The following PSD3 variants were observed in gnomAD, a reference collection of about 807,000 sequenced individuals.
PSD3 encodes the protein PH and SEC7 domain-containing protein 3.
In PSD3, 49 loss-of-function variants were observed where a neutral mutation model predicts 105.5. The ratio of observed to expected loss-of-function variants is 0.46; its 90% CI spans 0.37 to 0.59. PSD3 has a LOEUF of 0.59. Ranked by LOEUF, PSD3 falls within the 20% of genes least tolerant of loss-of-function variation. PSD3 has a pLI of 0.00. For missense variants in PSD3, 1,561 were observed against 1,263.8 expected (o/e 1.24, Z -3.57); for synonymous variants, 557 against 457.8 (o/e 1.22, Z -2.77).
intron 1 of PSD3, among the ~76,000 whole-genome samples, chr8:18,996,064 C>G (rs778224570): frequency 1.3e-5 from 2 of 152,014 alleles, no homozygotes; most frequent in Admixed American, 6.6e-5. Context: ...ACAGTAATGT[C>G]TGGGAAACAA....
chr8:19,039,122 G>A (rs982064263), intron 1 of PSD3, among the ~76,000 whole-genome samples: 4 of 152,032 alleles, frequency 2.6e-5, no homozygotes, highest in African/African-American at 4.8e-5. Context: ...ACTTTTCCTC[G>A]ACGGACCTTT....
intron 14 of PSD3, among the ~76,000 whole-genome samples, chr8:18,560,282 T>C (rs544335395): frequency 4.6e-5 from 7 of 151,956 alleles, no homozygotes; most frequent in Non-Finnish European, 8.8e-5. Flanking sequence ...GCTGCAGCCA[T>C]GGAGATGTCA....
At chr8:19,045,451 C>T (rs1158192649) in intron 1 of PSD3, among the ~76,000 whole-genome samples, 1 of 152,256 alleles carries the variant, frequency 6.6e-6, no homozygotes, top group East Asian at 1.9e-4. Flanking sequence ...GCCAGCCGCC[C>T]TTGAACACAG....
chr8:18,945,358 G>A (rs1265554868), intron 1 of PSD3, among the ~76,000 whole-genome samples: 1 of 152,220 alleles, frequency 6.6e-6, no homozygotes, highest in Non-Finnish European at 1.5e-5. Context: ...GCATAGAAAA[G>A]TAGAGCCAGA....
At chr8:18,763,820 T>C (rs1806742812) in intron 9 of PSD3, among the ~76,000 whole-genome samples, 1 of 152,146 alleles carries the variant, frequency 6.6e-6, no homozygotes, top group Non-Finnish European at 1.5e-5. Context: ...AGAGAATCAA[T>C]ACTTCACTTG....
At chr8:18,576,759 T>C (rs934448596) in intron 12 of PSD3, among the ~76,000 whole-genome samples, 1 of 152,066 alleles carries the variant, frequency 6.6e-6, no homozygotes, top group African/African-American at 2.4e-5. Flanking sequence ...ATAACTGGAA[T>C]GAGGAGAAAT....
At chr8:18,878,150 T>C (rs927737946) in intron 2 of PSD3, among the ~76,000 whole-genome samples, 3 of 152,212 alleles carry the variant, frequency 2.0e-5, no homozygotes, top group African/African-American at 7.2e-5. Flanking sequence ...GCCATTTTTT[T>C]TTATAATTTT....
chr8:18,595,966 G>A (rs1328625458), intron 12 of PSD3, among the ~76,000 whole-genome samples: 3 of 151,952 alleles, frequency 2.0e-5, no homozygotes, highest in Non-Finnish European at 4.4e-5. Flanking sequence ...CTTCTCAAGT[G>A]CACATGGAAC....
chr8:18,539,957 C>T (rs903053588), intron 15 of PSD3, among the ~76,000 whole-genome samples: 3 of 152,098 alleles, frequency 2.0e-5, no homozygotes, highest in Admixed American at 6.6e-5. Context: ...TTGCGGCAGA[C>T]GGTGTTTCCT....
At chr8:18,582,989 G>T (rs1365297224) in intron 12 of PSD3, among the ~76,000 whole-genome samples, 1 of 151,878 alleles carries the variant, frequency 6.6e-6, no homozygotes, top group Non-Finnish European at 1.5e-5. Context: ...CACCACGCCT[G>T]GCTAATTTTT....
chr8:19,081,395 A>T (rs773637500), intron 1 of PSD3, among the ~76,000 whole-genome samples: 3 of 152,232 alleles, frequency 2.0e-5, no homozygotes, highest in Non-Finnish European at 2.9e-5. Flanking sequence ...AAATTTTGCC[A>T]GCTGGAAAGA....
chr8:18,992,754 G>C (rs1471911461), intron 1 of PSD3, among the ~76,000 whole-genome samples: 10 of 152,028 alleles, frequency 6.6e-5, no homozygotes, highest in African/African-American at 2.2e-4. Flanking sequence ...TTTTTTTTAA[G>C]TAGTGGACTT....
At chr8:18,859,876 G>T (rs1352052426) in intron 4 of PSD3, among the ~76,000 whole-genome samples, 1 of 152,100 alleles carries the variant, frequency 6.6e-6, no homozygotes, top group Non-Finnish European at 1.5e-5. Flanking sequence ...CAGAAATAAG[G>T]TGTTTTCCTT....
In PSD3 at chr8:18,530,667, T is replaced by G. The variant is rs3758144; in HGVS notation, c.*5076A>C. ...TAAGTGCTCTTAATACTAAAGTTAC[T>G]AAGACTGCACAGGCTGCCTTTTTTT... On this transcript the variant is annotated 3_prime_UTR_variant, in exon 16 of 16. Transcript: ENST00000327040. 0.63 allele frequency: 96,021 copies of G among 151,712 alleles called. 32,684 individuals are homozygous for G. Among genetic ancestry groups the G allele is most frequent in the East Asian group, 0.79 (4,065 of 5,160 alleles). The allele number at this position is 151,712 out of a possible 1,614,324, so 9.4% of individuals were successfully genotyped here. A position where few individuals can be genotyped will look rare whatever the true frequency, so the allele number is the denominator to read the frequency against.
chr8:18,672,937 T>C (rs1799863859), intron 9 of PSD3, among the ~76,000 whole-genome samples: 4 of 152,250 alleles, frequency 2.6e-5, no homozygotes, highest in Middle Eastern at 3.4e-3. Context: ...GTCTCGTATG[T>C]ACCTATATAT....
chr8:18,607,511 G>T lies in PSD3; in HGVS notation c.2411-7077C>A, dbSNP rs144049434. Among the ~76,000 whole-genome samples the T allele has an allele frequency of 2.7e-3, 416 of 152,036 alleles. 4 individuals are homozygous for T. Among genetic ancestry groups the T allele is most frequent in the African/African-American group, 9.6e-3 (400 of 41,468 alleles). ...GCAGCACTTGTTTCTCCATAGCACT[G>T]GGCGTTTTCACTCTGGTTTCCATAC... On this transcript the variant is annotated intron_variant, in intron 11 of 15. Transcript: ENST00000327040.
chr8:18,688,708 T>C (rs1042531721), intron 9 of PSD3, among the ~76,000 whole-genome samples: 3 of 152,180 alleles, frequency 2.0e-5, no homozygotes, highest in African/African-American at 2.4e-5. Flanking sequence ...TAGGTACATA[T>C]GGGGTTCACA....
intron 9 of PSD3, among the ~76,000 whole-genome samples, chr8:18,656,195 T>TTACAG (rs1808879724): frequency 6.6e-6 from 1 of 152,078 alleles, no homozygotes; most frequent in Non-Finnish European, 1.5e-5. Context: ...GTAGCTGGGA[T>TTACAG]TACAGGCGTG....
At chr8:19,074,602 TATATA>T (rs1563546495) in intron 1 of PSD3, among the ~76,000 whole-genome samples, 1 of 37,480 alleles carries the variant, frequency 2.7e-5, no homozygotes, top group African/African-American at 9.2e-5. Context: ...CATATATATA[TATATA>T]TATATTTTTT....
Sources: gnomAD v4.1 joint callset for allele counts (sites outside exome capture counted in the v4.1 genomes callset) on GRCh38, gnomAD v4.1.1 for gene constraint, MANE v1.5 for transcripts, NCBI Gene and HGNC (gene_info 2026-07-23, HGNC 2026-07-21) for gene names.